Variants in WWOX observed in about 807,000 individuals in gnomAD.
The protein encoded by WWOX is WW domain-containing oxidoreductase.
In WWOX, 69 loss-of-function variants were observed where a neutral mutation model predicts 46.2. The ratio of observed to expected loss-of-function variants is 1.49; its 90% CI spans 1.23 to 1.82. The LOEUF (loss-of-function observed/expected upper bound fraction) is 1.82, where lower values mean the gene tolerates loss of function less well. Ranked by LOEUF, WWOX falls within the 40% of genes most tolerant of loss-of-function variation. WWOX has a pLI of 0.00. For missense variants in WWOX, 919 were observed against 542.6 expected (o/e 1.69, Z -6.89); for synonymous variants, 359 against 202.6 (o/e 1.77, Z -6.56).
chr16:79,171,107 G>T (rs569131634), intron 8 of WWOX, among the ~76,000 whole-genome samples: 1 of 152,206 alleles, frequency 6.6e-6, no homozygotes, highest in Non-Finnish European at 1.5e-5. Flanking sequence ...TGCTAGGCAC[G>T]TGAGAGTGAG....
At chr16:78,894,017 G>GC in intron 8 of WWOX, among the ~76,000 whole-genome samples, 1 of 43,866 alleles carries the variant, frequency 2.3e-5, no homozygotes, top group Non-Finnish European at 5.8e-5. Flanking sequence ...TTTTATTGAG[G>GC]CTTTTATTAT....
At chr16:78,758,758 G>A (rs1375108167) in intron 8 of WWOX, among the ~76,000 whole-genome samples, 1 of 151,936 alleles carries the variant, frequency 6.6e-6, no homozygotes, top group Non-Finnish European at 1.5e-5. Context: ...TCACTGGGGT[G>A]GTGAGAAGGT....
At chr16:78,702,635 A>C (rs529900215) in intron 8 of WWOX, among the ~76,000 whole-genome samples, 12 of 151,238 alleles carry the variant, frequency 7.9e-5, no homozygotes, top group Admixed American at 6.6e-4. Context: ...AGCCTGGGCA[A>C]CAGAGCAAGA....
intron 8 of WWOX, among the ~76,000 whole-genome samples, chr16:79,165,945 CATA>C (rs958704913): frequency 1.3e-5 from 2 of 152,206 alleles, no homozygotes; most frequent in Non-Finnish European, 2.9e-5. Flanking sequence ...CAGACATTTT[CATA>C]ATGTTTTCTG....
chr16:78,859,028 AT>A (rs869136293), intron 8 of WWOX, among the ~76,000 whole-genome samples: 12 of 17,028 alleles, frequency 7.0e-4, no homozygotes, highest in Middle Eastern at 0.042. Flanking sequence ...AAAAAAAAAA[AT>A]ATATATATAT....
intron 8 of WWOX, among the ~76,000 whole-genome samples, chr16:78,885,059 A>G (rs1334243763): frequency 2.6e-5 from 4 of 152,128 alleles, no homozygotes; most frequent in African/African-American, 9.7e-5. Context: ...CCAACATGGC[A>G]CCCCAGGTTC....
At chr16:78,364,439 G>A (rs1385298854) in intron 5 of WWOX, among the ~76,000 whole-genome samples, 1 of 136,088 alleles carries the variant, frequency 7.3e-6, no homozygotes. Context: ...GAGCCTGCAT[G>A]TAGCTTTTCC....
intron 8 of WWOX, chr16:79,004,818 G>A (rs948699323): frequency 2.0e-5 from 3 of 152,196 alleles, no homozygotes; most frequent in African/African-American, 4.8e-5. Flanking sequence ...AGGCACAGCA[G>A]GCACTTGGGT....
At chr16:78,683,307 G>T (rs1303997210) in intron 8 of WWOX, among the ~76,000 whole-genome samples, 2 of 120,148 alleles carry the variant, frequency 1.7e-5, no homozygotes, top group Non-Finnish European at 3.8e-5. Context: ...GCTCAGGAGG[G>T]CGGGTGGATT....
chr16:78,716,360 C>G (rs556120169), intron 8 of WWOX, among the ~76,000 whole-genome samples: 1 of 152,118 alleles, frequency 6.6e-6, no homozygotes, highest in Admixed American at 6.6e-5. Context: ...CTTCTGGGTT[C>G]CGCAACTGCA....
At chr16:78,765,512 C>G (rs570921133) in intron 8 of WWOX, among the ~76,000 whole-genome samples, 4 of 152,254 alleles carry the variant, frequency 2.6e-5, no homozygotes, top group African/African-American at 7.2e-5. Flanking sequence ...AACCCCATCT[C>G]TACTAAAAGT....
At chr16:78,484,930 G>C (rs576453780) in intron 8 of WWOX, among the ~76,000 whole-genome samples, 1 of 152,206 alleles carries the variant, frequency 6.6e-6, no homozygotes, top group South Asian at 2.1e-4. Flanking sequence ...CGGGCTGTTT[G>C]TGTACTACAC....
At chr16:78,384,226 C>T (rs963112358) in intron 5 of WWOX, among the ~76,000 whole-genome samples, 1 of 152,148 alleles carries the variant, frequency 6.6e-6, no homozygotes, top group African/African-American at 2.4e-5. Context: ...TAATGAATGG[C>T]TGCCTTTCCT....
At chr16:79,170,821 A>T (rs2050686169) in intron 8 of WWOX, among the ~76,000 whole-genome samples, 1 of 152,130 alleles carries the variant, frequency 6.6e-6, no homozygotes, top group Non-Finnish European at 1.5e-5. Context: ...TAAGCAGGAG[A>T]TGAGGTCTTT....
chr16:78,257,570 G>C (rs1011963724), intron 5 of WWOX, among the ~76,000 whole-genome samples: 1 of 152,144 alleles, frequency 6.6e-6, no homozygotes, highest in African/African-American at 2.4e-5. Context: ...GGGAGGCACT[G>C]CTGTTTACTC....
At chr16:78,504,013 C>T (rs1490945947) in intron 8 of WWOX, among the ~76,000 whole-genome samples, 1 of 152,108 alleles carries the variant, frequency 6.6e-6, no homozygotes, top group Non-Finnish European at 1.5e-5. Flanking sequence ...AAATAAATAA[C>T]ATTCAAATAC....
intron 8 of WWOX, among the ~76,000 whole-genome samples, chr16:78,744,045 C>G (rs1260933593): frequency 7.9e-5 from 12 of 152,128 alleles, no homozygotes; most frequent in Admixed American, 7.2e-4. Flanking sequence ...CGCCAAGAAC[C>G]TGGACGCCCT....
At chr16:78,124,167 T>C (rs1175829404) in intron 4 of WWOX, 1 of 152,172 alleles carries the variant, frequency 6.6e-6, no homozygotes, top group East Asian at 1.9e-4. Context: ...TACTTTTATT[T>C]ATATAATTTT....
chr16:78,798,590 G>GTT (rs2050804556), intron 8 of WWOX, among the ~76,000 whole-genome samples: 2 of 67,676 alleles, frequency 3.0e-5, no homozygotes, highest in African/African-American at 8.2e-5. Context: ...GTTGTTGTTG[G>GTT]GTTTTTTTTT....
Sources: gnomAD v4.1 joint callset for allele counts (sites outside exome capture counted in the v4.1 genomes callset) on GRCh38, gnomAD v4.1.1 for gene constraint, MANE v1.5 for transcripts, NCBI Gene and HGNC (gene_info 2026-07-23, HGNC 2026-07-21) for gene names.